SYNJ1: variants seen among roughly 807,000 people sequenced by gnomAD.
SYNJ1 encodes synaptojanin 1.
SYNJ1 carries 78 observed loss-of-function variants against 168.2 expected under a neutral mutation model. The ratio of observed to expected loss-of-function variants is 0.46; its 90% CI spans 0.39 to 0.56. The LOEUF (loss-of-function observed/expected upper bound fraction) is 0.56. Among genes scored for constraint, SYNJ1 ranks in the 20% least tolerant of loss-of-function variants. The probability of loss-of-function intolerance (pLI) is 0.00; values close to 1 mark genes in which losing one functional copy is unlikely to be tolerated. For synonymous variants in SYNJ1, 539 were observed against 548.6 expected, an observed-to-expected ratio of 0.98 and a Z score of 0.24; for missense variants, 1,303 against 1,597.6, an observed-to-expected ratio of 0.82 and a Z score of 3.14.
intron 2 of SYNJ1, among the ~76,000 whole-genome samples, chr21:32,709,423 G>C (rs2042735947): frequency 7.6e-6 from 1 of 131,940 alleles, no homozygotes; most frequent in Non-Finnish European, 1.5e-5. Flanking sequence ...GTAGTAGTGA[G>C]CCAAGATCAC....
chr21:32,711,337 CT>C (rs766824769), intron 2 of SYNJ1, among the ~76,000 whole-genome samples: 360 of 143,946 alleles, frequency 2.5e-3, no homozygotes, highest in Middle Eastern at 3.7e-3. Context: ...GAGTGACTTA[CT>C]TTTTTTTTTT....
chr21:32,693,969 C>T (rs1198143952), intron 6 of SYNJ1, among the ~76,000 whole-genome samples: 1 of 152,100 alleles, frequency 6.6e-6, no homozygotes, highest in Non-Finnish European at 1.5e-5. Context: ...CAAATCAATA[C>T]ACTATAAAGA....
At chr21:32,640,214 G>A (rs2039768381) in intron 29 of SYNJ1, among the ~76,000 whole-genome samples, 1 of 152,060 alleles carries the variant, frequency 6.6e-6, no homozygotes, top group Non-Finnish European at 1.5e-5. Context: ...AAACTGGGAT[G>A]ATTTTAAAAT....
At chr21:32,643,552 T>G in intron 26 of SYNJ1, 95 bp from the exon 27 acceptor site, 1 of 1,320,726 alleles carries the variant, frequency 7.6e-7, no homozygotes, top group Non-Finnish European at 1.1e-6. Context: ...GTAAACTCAC[T>G]TTTGCAAAAA....
rs111523918 is a variant in SYNJ1, at chr21:32,656,496, TA to T, written c.2795+190del. ...ACTTTCTAAGTTGAGAATTCAGTTA[TA>T]AAAACCTACAGAATAATATCCACAG... On this transcript the variant is annotated intron_variant, in intron 21 of 32. Coordinates refer to ENST00000674351, the MANE Select transcript of SYNJ1 (RefSeq NM_203446.3). Among the ~76,000 whole-genome samples the T allele has an allele frequency of 2.3e-3, 344 of 152,296 alleles. 1 individual carries two copies. The highest frequency in any genetic ancestry group is 7.6e-3 in the African/African-American group (314 of 41,560).
intron 18 of SYNJ1, among the ~76,000 whole-genome samples, chr21:32,659,771 T>A (rs2040608157): frequency 1.3e-5 from 2 of 152,210 alleles, no homozygotes; most frequent in African/African-American, 4.8e-5. Context: ...AATAAAGCCC[T>A]TTCCTTCTAC....
intron 32 of SYNJ1, among the ~76,000 whole-genome samples, chr21:32,633,445 G>GA (rs938016099): frequency 1.3e-5 from 2 of 151,818 alleles, no homozygotes; most frequent in Non-Finnish European, 1.5e-5. Flanking sequence ...TATTAATTTT[G>GA]AAAAAAATGT....
In SYNJ1 at chr21:32,656,922, T is replaced by C. The variant is rs770095122; in HGVS notation, c.2580-20A>G. The stretch of plus-strand genomic sequence containing the variant: ...ACAGGCCTTAAGGCATAAAGGAAGA[T>C]AGATGTATTAGAAATGTTTTTAAAA... On this transcript the variant is annotated intron_variant, in intron 20 of 32. Coordinates refer to ENST00000674351, the MANE Select transcript of SYNJ1 (RefSeq NM_203446.3). 54 of 1,611,676 alleles carry C rather than the reference T, an allele frequency of 3.4e-5. No homozygotes were observed. The Admixed American group carries it at 3.7e-4, about 11-fold the overall frequency.
intron 1 of SYNJ1, 200 bp downstream of exon 1, chr21:32,727,746 C>G (rs886217980): frequency 8.2e-7 from 1 of 1,215,138 alleles, no homozygotes; most frequent in African/African-American, 1.6e-5. Flanking sequence ...CACCACAGCC[C>G]CCAGCCTGAC....
intron 32 of SYNJ1, among the ~76,000 whole-genome samples, chr21:32,633,020 A>G (rs1481926762): frequency 6.6e-6 from 1 of 152,166 alleles, no homozygotes; most frequent in Admixed American, 6.5e-5. Context: ...TCCGCCTCAA[A>G]AAACAAAAAA....
At chr21:32,685,576 G>A (rs1014200297) in intron 9 of SYNJ1, among the ~76,000 whole-genome samples, 172 bp downstream of exon 9, 18 of 151,798 alleles carry the variant, frequency 1.2e-4, no homozygotes, top group African/African-American at 3.9e-4. Context: ...ACCAGCCTGG[G>A]CAACAAAGTG....
chr21:32,689,728 C>T (rs1157718675), intron 6 of SYNJ1, among the ~76,000 whole-genome samples: 1 of 152,234 alleles, frequency 6.6e-6, no homozygotes, highest in Non-Finnish European at 1.5e-5. Context: ...TATTATCATT[C>T]ATTAAGCATT....
At chr21:32,683,360 C>T (rs950061398) in intron 10 of SYNJ1, among the ~76,000 whole-genome samples, 2 of 151,282 alleles carry the variant, frequency 1.3e-5, no homozygotes, top group Non-Finnish European at 3.0e-5. Context: ...AAAGAAAAAA[C>T]GTTGCAAACA....
chr21:32,724,865 GAA>G (rs1229309999), intron 2 of SYNJ1, among the ~76,000 whole-genome samples: 19 of 152,298 alleles, frequency 1.2e-4, no homozygotes, highest in African/African-American at 4.6e-4. Context: ...TAGCTTTACA[GAA>G]AGAGTCAATA....
chr21:32,659,540 A>C (rs962890083), intron 18 of SYNJ1, among the ~76,000 whole-genome samples: 2 of 152,154 alleles, frequency 1.3e-5, no homozygotes, highest in Non-Finnish European at 2.9e-5. Flanking sequence ...TGTTACCTAT[A>C]GATTTCAGGC....
chr21:32,687,061 G>A lies in SYNJ1; in HGVS notation c.865C>T (p.Leu289Phe). 6.6e-7 allele frequency: 1 copy of A among 1,506,936 alleles called. No homozygotes were observed. The highest frequency in any genetic ancestry group is 8.9e-7 in the Non-Finnish European group (1 of 1,127,144). 93.3% of individuals were successfully genotyped at this position (1,506,936 alleles called of 1,614,324 possible). The stretch of plus-strand genomic sequence containing the variant: ...ATTTGTTTACCATATAAGTTCTTAA[G>A]TGTTCTAAAATGCCTATTTAAGAAA... Reference protein sequence around the residue: ...APAFDRHFRTLKNLYGKQIIV... With the variant: ...APAFDRHFRTFKNLYGKQIIV... Residue 289 changes from leucine (L) to phenylalanine (F), a missense_variant, in exon 8 of 33, where the codon CTT becomes TTT. Leu to Phe is a conservative substitution (Grantham distance 22). Transcript: ENST00000674351.
intron 21 of SYNJ1, among the ~76,000 whole-genome samples, chr21:32,655,921 T>A (rs2145845035): frequency 1.3e-5 from 2 of 152,336 alleles, no homozygotes; most frequent in Middle Eastern, 3.4e-3. Context: ...GACTCTTGAC[T>A]AGTCATCACA....
intron 2 of SYNJ1, among the ~76,000 whole-genome samples, chr21:32,713,145 T>A (rs2042890029): frequency 6.6e-6 from 1 of 152,100 alleles, no homozygotes; most frequent in Admixed American, 6.6e-5. Flanking sequence ...TCAACATGGA[T>A]GATTTCCCAT....
chr21:32,631,657 T>G lies in SYNJ1; in HGVS notation c.*148A>C, dbSNP rs777068962. The stretch of plus-strand genomic sequence containing the variant: ...GTTGCAGAAGGCAACTGAATCAACC[T>G]CTTTGGGTCTGGGGTGGGAACAGGT... On this transcript the variant is annotated 3_prime_UTR_variant, in exon 33 of 33. Transcript: ENST00000674351. 3.7e-5 allele frequency: 60 copies of G among 1,614,090 alleles called. No homozygotes were observed. Among genetic ancestry groups the G allele is most frequent in the Non-Finnish European group, 4.8e-5 (57 of 1,180,042 alleles).
Sources: allele counts gnomAD v4.1 joint callset (sites outside exome capture counted in the v4.1 genomes callset), GRCh38; gene constraint gnomAD v4.1.1; transcripts MANE v1.5; gene names NCBI Gene and HGNC (gene_info 2026-07-23, HGNC 2026-07-21).